Variants in NFATC2 observed in about 807,000 individuals in gnomAD.
NFATC2 encodes nuclear factor of activated T-cells, cytoplasmic 2.
In NFATC2, 22 loss-of-function variants were observed where a neutral mutation model predicts 87.3. The ratio of observed to expected loss-of-function variants is 0.25; its 90% CI spans 0.18 to 0.36. The LOEUF is 0.36. Among genes scored for constraint, NFATC2 ranks in the 10% least tolerant of loss-of-function variants. NFATC2 has a pLI of 1.00. For synonymous variants in NFATC2, 565 were observed against 542.2 expected, an observed-to-expected ratio of 1.04 and a Z score of -0.58; for missense variants, 1,149 against 1,259.1, an observed-to-expected ratio of 0.91 and a Z score of 1.32.
At position 51,547,738 on chromosome 20, in the gene NFATC2, A is replaced by AT. The variant is rs532522152; in HGVS notation, c.70+14821dup. 4.7e-4 allele frequency among the ~76,000 whole-genome samples: 72 copies of AT among 152,226 alleles called. No individual in the cohort carries two copies. In the South Asian group the frequency reaches 0.012, roughly 26 times the overall value. ...GCTCTGCCTGTAATCCAGTTCTCCA[A>AT]TCAAACACCAAAGAGTGGTTCTTGA... On this transcript the variant is annotated intron_variant, in intron 1 of 10. Coordinates refer to the NFATC2 transcript ENST00000414705.
At position 51,551,768 on chromosome 20, in the gene NFATC2, C is replaced by T. The variant is rs182789434; in HGVS notation, c.70+10792G>A. On this transcript the variant is annotated intron_variant, in intron 1 of 10. Transcript: ENST00000414705. ...TTAGGTCGCACACAGTGGCTCATGC[C>T]TGTAATCCCAGCACATTGGGAGGCC... 1.2e-4 allele frequency among the ~76,000 whole-genome samples: 19 copies of T among 152,132 alleles called. No homozygotes were observed. The East Asian group carries it at 3.7e-3, about 29-fold the overall frequency.
chr20:51,469,262 C>T (rs757946970), intron 5 of NFATC2, among the ~76,000 whole-genome samples: 57 of 152,148 alleles, frequency 3.7e-4, no homozygotes, highest in Non-Finnish European at 7.6e-4. Flanking sequence ...AGCGATCGTC[C>T]GGCCTTAGCC....
intron 1 of NFATC2, among the ~76,000 whole-genome samples, chr20:51,535,192 A>G (rs1379378898): frequency 6.6e-6 from 1 of 152,100 alleles, no homozygotes; most frequent in Non-Finnish European, 1.5e-5. Context: ...CTGCAACAGG[A>G]CTCGCCAGGG....
At chr20:51,442,997 C>A (rs1249655818) in intron 6 of NFATC2, among the ~76,000 whole-genome samples, 3 of 152,136 alleles carry the variant, frequency 2.0e-5, no homozygotes, top group Non-Finnish European at 2.9e-5. Flanking sequence ...GCCTCTCTAC[C>A]CAGCTTTCCT....
intron 6 of NFATC2, among the ~76,000 whole-genome samples, chr20:51,443,001 C>T (rs925995174): frequency 6.6e-6 from 1 of 152,172 alleles, no homozygotes; most frequent in Admixed American, 6.5e-5. Flanking sequence ...CTCTACCCAG[C>T]TTTCCTCCCC....
Sources: allele counts gnomAD v4.1 joint callset (sites outside exome capture counted in the v4.1 genomes callset), GRCh38; gene constraint gnomAD v4.1.1; transcripts MANE v1.5; gene names NCBI Gene and HGNC (gene_info 2026-07-23, HGNC 2026-07-21).